PDE4A: variants seen among roughly 807,000 people sequenced by gnomAD.
The protein encoded by PDE4A is 3',5'-cyclic-AMP phosphodiesterase 4A.
PDE4A carries 21 observed loss-of-function variants against 73.9 expected under a neutral mutation model. The ratio of observed to expected loss-of-function variants is 0.28; its 90% CI spans 0.20 to 0.41. The LOEUF (loss-of-function observed/expected upper bound fraction) is 0.41, where lower values mean the gene tolerates loss of function less well. Among genes scored for constraint, PDE4A ranks in the 10% least tolerant of loss-of-function variants. PDE4A has a pLI of 1.00. For missense variants in PDE4A, 958 were observed against 1,211.4 expected, an observed-to-expected ratio of 0.79 and a Z score of 3.10; for synonymous variants, 463 against 505.4, an observed-to-expected ratio of 0.92 and a Z score of 1.13.
At position 10,459,695 on chromosome 19, in the gene PDE4A, A is replaced by G. The variant is rs2043230917; in HGVS notation, c.1301A>G (p.Asn434Ser). ...TACCACGCTGACGTGGCCTACCATA[A>G]CAGCCTGCACGCAGCTGACGTGCTG... is the stretch of plus-strand genomic sequence containing the variant. ...DHYHADVAYHNSLHAADVLQS... is the reference protein window; with the variant it reads ...DHYHADVAYHSSLHAADVLQS... The change falls in exon 10 of 15, where the codon AAC becomes AGC. Residue 434 changes from asparagine (N) to serine (S), a missense_variant. Asn to Ser is a conservative substitution (Grantham distance 46). Transcript: ENST00000380702. 1 of 1,614,022 alleles carries G rather than the reference A, an allele frequency of 6.2e-7. No homozygotes were observed. The highest frequency in any genetic ancestry group is 8.5e-7 in the Non-Finnish European group (1 of 1,180,030).
chr19:10,449,212 C>T (rs1165312533), intron 4 of PDE4A, 62 bp downstream of exon 4: 4 of 1,549,878 alleles, frequency 2.6e-6, no homozygotes, highest in Non-Finnish European at 1.8e-6. Flanking sequence ...GGGTTCTGCT[C>T]TCAGCCCTGC....
At chr19:10,425,984 C>CAAAAAA (rs1168197109) in intron 1 of PDE4A, among the ~76,000 whole-genome samples, 540 of 48,378 alleles carry the variant, frequency 0.011, 50 homozygotes, top group African/African-American at 0.013. Flanking sequence ...GAGACCCTGT[C>CAAAAAA]AAAAAAAAAA....
In PDE4A at chr19:10,459,232, T is replaced by G. The variant is rs1171019594; in HGVS notation, c.1102-168T>G. The G allele has an allele frequency of 2.5e-6, 3 of 1,212,716 alleles. No homozygotes were observed. In the Admixed American group the frequency reaches 8.3e-5, roughly 34 times the overall value. The allele number at this position is 1,212,716 out of a possible 1,614,324, so 75.1% of individuals were successfully genotyped here. On this transcript the variant is annotated intron_variant, in intron 8 of 14. Transcript: ENST00000380702. Reference sequence around the variant, plus strand: ...AGTGGCTGTGATTGCTTTCGCTATTTTGCAGCCCAGTAGGACGAGGGCAGT... The same window carrying G: ...AGTGGCTGTGATTGCTTTCGCTATTGTGCAGCCCAGTAGGACGAGGGCAGT...
chr19:10,419,840 G>GGGAT (rs1356274165), upstream of PDE4A, among the ~76,000 whole-genome samples: 3 of 152,168 alleles, frequency 2.0e-5, no homozygotes, highest in African/African-American at 7.2e-5. Context: ...AGACCACGTA[G>GGGAT]GGATGCACAT....
At chr19:10,429,143 GGAGAA>G (rs1202277522) in intron 1 of PDE4A, among the ~76,000 whole-genome samples, 2 of 147,530 alleles carry the variant, frequency 1.4e-5, no homozygotes, top group Non-Finnish European at 3.0e-5. Context: ...AAGGGAGGAA[GGAGAA>G]AGGAAAGGAA....
upstream of PDE4A, chr19:10,420,288 G>A (rs2042631084): frequency 1.8e-6 from 1 of 547,312 alleles, no homozygotes; most frequent in Admixed American, 6.4e-5. The surrounding 1 kb of genome is among the most constrained non-coding windows in gnomAD (Gnocchi z 6.0). Flanking sequence ...TCGTGCCTGT[G>A]CGCGCCGCGG....
In PDE4A at chr19:10,456,730, A is replaced by G. The variant is rs557321448; in HGVS notation, c.878-1149A>G. Among the ~76,000 whole-genome samples, 104 of 152,022 alleles carry G rather than the reference A, an allele frequency of 6.8e-4. 1 individual carries two copies. The highest frequency in any genetic ancestry group is 5.8e-3 in the South Asian group (28 of 4,820). ...TAACACCTGTAAGATTCCTAATTCA[A>G]TGGAACCCCAAATGCACCAGAATAC... On this transcript the variant is annotated intron_variant, in intron 7 of 14. Transcript: ENST00000380702.
At position 10,467,059 on chromosome 19, in the gene PDE4A, A is replaced by G. The variant is rs1467765880; in HGVS notation, c.2099A>G (p.His700Arg). ...GAGGAGGAGTCAAGGGGGCCAGGCC[A>G]CCCACCCCTGCCTGACAAGTTCCAG... ...PPEEESRGPG[H>R]PPLPDKFQFE... Residue 700 changes from histidine to arginine, a missense_variant, in exon 15 of 15, where the codon CAC becomes CGC. Physicochemically the swap from His to Arg is conservative, Grantham distance 29 (BLOSUM62 0). This residue lies in a region of PDE4A where 243 missense variants were observed against 245.9 expected (regional missense o/e 0.99). Coordinates refer to ENST00000380702, the MANE Select transcript of PDE4A (RefSeq NM_001111307.2). 7 of 1,614,000 alleles carry G rather than the reference A, an allele frequency of 4.3e-6. No individual in the cohort carries two copies. In the East Asian group the frequency reaches 8.9e-5, roughly 21 times the overall value.
intron 1 of PDE4A, among the ~76,000 whole-genome samples, chr19:10,443,258 C>T (rs900753756): frequency 5.3e-5 from 8 of 152,098 alleles, no homozygotes; most frequent in South Asian, 2.1e-4. Context: ...TGGTGGCTCA[C>T]GCCTGTAATC....
intron 14 of PDE4A, among the ~76,000 whole-genome samples, chr19:10,466,557 G>T (rs1298385110): frequency 1.3e-5 from 2 of 151,600 alleles, no homozygotes; most frequent in African/African-American, 4.8e-5. Flanking sequence ...GAGTGCAGTG[G>T]TGCGATCGCA....
At chr19:10,442,784 A>G (rs974855405) in intron 1 of PDE4A, among the ~76,000 whole-genome samples, 1 of 148,738 alleles carries the variant, frequency 6.7e-6, no homozygotes, top group Non-Finnish European at 1.5e-5. Flanking sequence ...ATTATCACAT[A>G]CTACTAATAT....
Position 10,420,601 on chromosome 19 carries a change from G to C in PDE4A, c.-164G>C. 1 of 1,291,804 alleles carries C rather than the reference G, an allele frequency of 7.7e-7. No individual in the cohort carries two copies. The highest frequency in any genetic ancestry group is 9.8e-7 in the Non-Finnish European group (1 of 1,024,468). 80.0% of individuals were successfully genotyped at this position (1,291,804 alleles called of 1,614,324 possible). ...AAGGAAGCTGCAGAGCCCGGCCCGGGGGCGATTGGCCCGCAGCGCCCCCGG... is the reference window on the plus strand; with the variant it reads ...AAGGAAGCTGCAGAGCCCGGCCCGGCGGCGATTGGCCCGCAGCGCCCCCGG... On this transcript the variant is annotated 5_prime_UTR_variant, in exon 1 of 15. Transcript: ENST00000380702. This position sits in a 1 kb window ranked among gnomAD's most constrained non-coding sequence, Gnocchi z 6.0.
chr19:10,461,609 G>A lies in PDE4A; in HGVS notation c.1549G>A (p.Asp517Asn), dbSNP rs1209749077. The change falls in exon 12 of 15, where the codon GAC (aspartate) becomes AAC (asparagine). Residue 517 changes from aspartate to asparagine, a missense_variant. Physicochemically the swap from Asp to Asn is conservative, Grantham distance 23. Around this residue, in one of 3 missense-constraint regions of PDE4A, gnomAD observed 570 missense variants for 827.7 expected, o/e 0.69. Transcript: ENST00000380702. ...CGTGGGCTTCAAGCTGCTGCAGGAG[G>A]ACAACTGCGACATCTTCCAGAACCT... ...LAVGFKLLQEDNCDIFQNLSK... is the reference protein window; with the variant it reads ...LAVGFKLLQENNCDIFQNLSK... 1.9e-6 allele frequency: 3 copies of A among 1,571,310 alleles called. No homozygotes were observed. The highest frequency in any genetic ancestry group is 2.6e-6 in the Non-Finnish European group (3 of 1,154,060).
intron 1 of PDE4A, among the ~76,000 whole-genome samples, chr19:10,441,840 C>T (rs927690507): frequency 6.6e-6 from 1 of 151,740 alleles, no homozygotes; most frequent in Non-Finnish European, 1.5e-5. Context: ...CAGGCACCCA[C>T]CACTACGCCC....
At chr19:10,462,372 G>A (rs1327084511) in intron 13 of PDE4A, among the ~76,000 whole-genome samples, 2 of 151,854 alleles carry the variant, frequency 1.3e-5, no homozygotes, top group Non-Finnish European at 2.9e-5. Context: ...GGCTGGTCTC[G>A]AACTCCCGAC....
chr19:10,427,392 G>A (rs2042731540), intron 1 of PDE4A: 1 of 610,130 alleles, frequency 1.6e-6, no homozygotes, highest in Non-Finnish European at 2.1e-6. Flanking sequence ...CCTGTGGTGG[G>A]AGTGTGTCTG....
intron 1 of PDE4A, among the ~76,000 whole-genome samples, chr19:10,445,405 C>G (rs1209145911): frequency 6.6e-6 from 1 of 152,192 alleles, no homozygotes; most frequent in African/African-American, 2.4e-5. Flanking sequence ...TGGATGCACA[C>G]CGGTGCTCAA....
At chr19:10,466,331 G>C (rs1392231060) in intron 14 of PDE4A, among the ~76,000 whole-genome samples, 1 of 147,754 alleles carries the variant, frequency 6.8e-6, no homozygotes, top group African/African-American at 2.5e-5. Context: ...TGTAGTCCCA[G>C]CTACTCGGGA....
chr19:10,432,073 C>T (rs1201021249), intron 1 of PDE4A, among the ~76,000 whole-genome samples: 1 of 143,456 alleles, frequency 7.0e-6, no homozygotes, highest in East Asian at 2.1e-4. Context: ...GACGTCAGGG[C>T]GGGGAGGGGG....
Sources: gnomAD v4.1 joint callset for allele counts (sites outside exome capture counted in the v4.1 genomes callset) on GRCh38, gnomAD v4.1.1 for gene constraint, gnomAD v4.1.1 regional missense constraint, Gnocchi (gnomAD v3.1) non-coding constraint, MANE v1.5 for transcripts, NCBI Gene and HGNC (gene_info 2026-07-23, HGNC 2026-07-21) for gene names.